The following RCC1 variants were observed in gnomAD, a reference collection of about 807,000 sequenced individuals.
RCC1 encodes regulator of chromosome condensation 1, also known as regulator of chromosome condensation.
RCC1 carries 11 observed loss-of-function variants against 44.4 expected under a neutral mutation model. The observed-to-expected ratio is 0.25, with a 90% confidence interval of 0.16 to 0.41. RCC1 has a LOEUF of 0.41. Among genes scored for constraint, RCC1 ranks in the 10% least tolerant of loss-of-function variants. The pLI is 1.00. For missense variants in RCC1, 386 were observed against 547.1 expected, an observed-to-expected ratio of 0.71 and a Z score of 2.94; for synonymous variants, 213 against 216.5, an observed-to-expected ratio of 0.98 and a Z score of 0.14.
chr1:28,508,863 T>C lies in RCC1; in HGVS notation c.-195T>C, dbSNP rs768637735. ...ACGATCTGCACTTCGCATTTTGGCA[T>C]TGACATTTAATTTTAGGGTCCTTTA... On this transcript the variant is annotated 5_prime_UTR_variant, in exon 3 of 13. Transcript: ENST00000683442. 21 of 517,434 alleles carry C rather than the reference T, an allele frequency of 4.1e-5. No homozygotes were observed. Among genetic ancestry groups the C allele is most frequent in the South Asian group, 9.8e-5 (7 of 71,206 alleles). 32.1% of individuals were successfully genotyped at this position (517,434 alleles called of 1,614,324 possible).
intron 4 of RCC1, among the ~76,000 whole-genome samples, chr1:28,522,431 T>A (rs1405862476): frequency 6.6e-6 from 1 of 152,056 alleles, no homozygotes; most frequent in African/African-American, 2.4e-5. Flanking sequence ...AGCTAAGAAA[T>A]GTGGGCTTTA....
chr1:28,531,738 A>G, intron 5 of RCC1, 65 bp from the exon 6 acceptor site: 4 of 1,379,566 alleles, frequency 2.9e-6, no homozygotes, highest in Non-Finnish European at 3.9e-6. Flanking sequence ...CTGATCCCAG[A>G]GCCTGTGACC....
At chr1:28,527,367 G>C (rs1311992131) in intron 4 of RCC1, 1 of 467,316 alleles carries the variant, frequency 2.1e-6, no homozygotes, top group East Asian at 4.4e-5. Context: ...AGCCTCCTGA[G>C]TAGCCAGGAC....
At chr1:28,513,883 C>A (rs543604009) in intron 3 of RCC1, among the ~76,000 whole-genome samples, 1 of 152,252 alleles carries the variant, frequency 6.6e-6, no homozygotes, top group Admixed American at 6.5e-5. Flanking sequence ...CCATGCCCAG[C>A]CATATTATAC....
At chr1:28,535,211 T>C in intron 8 of RCC1, 47 bp from the exon 9 acceptor site, 1 of 1,614,158 alleles carries the variant, frequency 6.2e-7, no homozygotes, top group Non-Finnish European at 8.5e-7. Context: ...TGGCCTAGCC[T>C]TGGGCCTTAC....
intron 5 of RCC1, among the ~76,000 whole-genome samples, chr1:28,530,157 CAA>C (rs71805038): frequency 0.34 from 40,707 of 119,230 alleles, 5,668 homozygotes; most frequent in Middle Eastern, 0.42. Context: ...AGCACTGGCA[CAA>C]AAAAAAAAAA....
chr1:28,533,020 G>C (rs1481694238), intron 7 of RCC1, among the ~76,000 whole-genome samples: 1 of 151,892 alleles, frequency 6.6e-6, no homozygotes, highest in Non-Finnish European at 1.5e-5. Context: ...TCCCCTGTTG[G>C]TCAGGCTGGT....
chr1:28,512,245 A>C (rs1323983264), intron 3 of RCC1, among the ~76,000 whole-genome samples: 1 of 79,744 alleles, frequency 1.3e-5, no homozygotes, highest in Non-Finnish European at 2.4e-5. Flanking sequence ...CAGAGCCTTG[A>C]TCTCTTAACC....
At position 28,538,212 on chromosome 1, in the gene RCC1, G is replaced by A; in HGVS notation, c.*205G>A. 2 of 495,144 alleles carry A rather than the reference G, an allele frequency of 4.0e-6. No homozygotes were observed. The highest frequency in any genetic ancestry group is 7.1e-6 in the Non-Finnish European group (2 of 281,068). 30.7% of individuals were successfully genotyped at this position (495,144 alleles called of 1,614,324 possible). A position where few individuals can be genotyped will look rare whatever the true frequency, so the allele number is the denominator to read the frequency against. ...TCCTGGGACCTACAGAATAAAGGGG[G>A]GGATGGACAGGGGGTTTTCAAAAGG... On this transcript the variant is annotated 3_prime_UTR_variant, in exon 13 of 13. Transcript: ENST00000683442.
chr1:28,507,581 A>G (rs1482955875), intron 1 of RCC1: 9 of 508,368 alleles, frequency 1.8e-5, no homozygotes, highest in Non-Finnish European at 3.1e-5. Flanking sequence ...CTTCTAGAGC[A>G]CTGAATCTGG....
chr1:28,512,609 CT>C (rs367915047), intron 3 of RCC1, among the ~76,000 whole-genome samples: 1 of 152,036 alleles, frequency 6.6e-6, no homozygotes, highest in Non-Finnish European at 1.5e-5. Flanking sequence ...GGAGACCTTT[CT>C]TTTTTTCTAA....
At chr1:28,508,498 A>G (rs1437657756) in intron 2 of RCC1, 3 of 472,812 alleles carry the variant, frequency 6.3e-6, no homozygotes, top group Non-Finnish European at 1.3e-5. Context: ...CCTTGAAAAT[A>G]CTGTGGGTGA....
intron 4 of RCC1, chr1:28,518,371 C>G (rs1167061517): frequency 6.6e-6 from 1 of 151,984 alleles, no homozygotes; most frequent in African/African-American, 2.4e-5. Flanking sequence ...GCGGCCACAG[C>G]CGGAGCACGG....
At position 28,521,499 on chromosome 1, in the gene RCC1, C is replaced by CAAAA. The variant is rs1419032083; in HGVS notation, c.-10+4633_-10+4634insAAAA. On this transcript the variant is annotated intron_variant, in intron 4 of 12. Transcript: ENST00000683442. ...TGGGCGACAGAGCGAGACTCCACCT[C>CAAAA]AGAAAAAAAAAAAAAAAAAAAAAAG... Among the ~76,000 whole-genome samples the CAAAA allele has an allele frequency of 1.7e-4, 20 of 117,430 alleles. 1 individual carries two copies. Among genetic ancestry groups the CAAAA allele is most frequent in the African/African-American group, 5.1e-4 (15 of 29,420 alleles). 77.0% of individuals were successfully genotyped at this position (117,430 alleles called of 152,430 possible).
chr1:28,535,707 G>A, intron 9 of RCC1, 164 bp from the exon 10 acceptor site: 1 of 835,136 alleles, frequency 1.2e-6, no homozygotes, highest in East Asian at 2.5e-5. Context: ...TCTGAGCAAG[G>A]CACTTGTATT....
chr1:28,508,282 C>T (rs1413767264), intron 2 of RCC1, 122 bp downstream of exon 2: 1 of 358,078 alleles, frequency 2.8e-6, no homozygotes, highest in Admixed American at 3.6e-5. Flanking sequence ...GGCATTTAAT[C>T]ATTCTCAGAG....
rs796356954 is a variant in RCC1, at chr1:28,506,080, C to T, written c.-266C>T. 9 of 455,570 alleles carry T rather than the reference C, an allele frequency of 2.0e-5. No homozygotes were observed. The highest frequency in any genetic ancestry group is 1.6e-4 in the African/African-American group (8 of 49,792). The allele number at this position is 455,570 out of a possible 1,614,324, so 28.2% of individuals were successfully genotyped here. On this transcript the variant is annotated 5_prime_UTR_variant, in exon 1 of 13. Transcript: ENST00000683442. ...CAGATTCGCAGTGGTCGCTTCTTCT[C>T]CTTGGTAAGTGTGATCCTTGGTAAG...
At chr1:28,532,380 C>A in intron 7 of RCC1, 30 bp downstream of exon 7, 1 of 1,608,180 alleles carries the variant, frequency 6.2e-7, no homozygotes, top group South Asian at 1.1e-5. Flanking sequence ...TCTGCATGGT[C>A]CCTGAAAGAC....
chr1:28,507,160 C>A, intron 1 of RCC1: 1 of 297,888 alleles, frequency 3.4e-6, no homozygotes, highest in Non-Finnish European at 6.8e-6. Context: ...TTCTGCGGTA[C>A]CTTCCACATA....
Sources: gnomAD v4.1 joint callset for allele counts (sites outside exome capture counted in the v4.1 genomes callset) on GRCh38, gnomAD v4.1.1 for gene constraint, MANE v1.5 for transcripts, NCBI Gene and HGNC (gene_info 2026-07-23, HGNC 2026-07-21) for gene names.